Variants in FIRRM observed in about 807,000 individuals in gnomAD.
FIRRM encodes FIGNL1 interacting regulator of recombination and mitosis, also known as FIGNL1-interacting regulator of recombination and mitosis.
the FIRRM span, chr1:169,792,843 C>T: frequency 5.0e-6 from 8 of 1,613,702 alleles, no homozygotes; most frequent in African/African-American, 1.1e-4. Context: ...TCATATTTTA[C>T]AAAAAGTTTT....
the FIRRM span, among the ~76,000 whole-genome samples, chr1:169,797,546 G>GT: frequency 1.3e-3 from 191 of 151,484 alleles, no homozygotes; most frequent in African/African-American, 3.9e-3. Context: ...AGGACTATGG[G>GT]TTTTTTTTTG....
At chr1:169,827,760 C>T in the FIRRM span, 1 of 1,614,116 alleles carries the variant, frequency 6.2e-7, no homozygotes, top group Non-Finnish European at 8.5e-7. Flanking sequence ...TGGTTGTTGT[C>T]ATGGATAAGC....
the FIRRM span, among the ~76,000 whole-genome samples, chr1:169,796,972 A>C: frequency 1.5e-3 from 234 of 152,320 alleles, 3 homozygotes; most frequent in Admixed American, 4.2e-3. Flanking sequence ...CACTTGTATC[A>C]CATTGGCCTG....
chr1:169,800,715 CTTT>C, the FIRRM span, among the ~76,000 whole-genome samples: 2 of 136,924 alleles, frequency 1.5e-5, no homozygotes, highest in African/African-American at 2.7e-5. Flanking sequence ...TCCTTTCTCT[CTTT>C]TTTTTTTTTT....
the FIRRM span, among the ~76,000 whole-genome samples, chr1:169,799,538 G>A: frequency 1.3e-5 from 2 of 152,176 alleles, no homozygotes; most frequent in African/African-American, 4.8e-5. Flanking sequence ...TCTACGTTGT[G>A]TAATGGGACC....
the FIRRM span, chr1:169,827,775 A>G: frequency 6.2e-7 from 1 of 1,614,174 alleles, no homozygotes; most frequent in South Asian, 1.1e-5. Flanking sequence ...ATAAGCTGCC[A>G]TCTCAGCCTA....
the FIRRM span, chr1:169,842,410 C>T: frequency 6.2e-7 from 1 of 1,608,190 alleles, no homozygotes; most frequent in Non-Finnish European, 8.5e-7. Context: ...CTGTTTCTGT[C>T]CTTCAGAACA....
At chr1:169,823,582 T>C in the FIRRM span, 3 of 601,944 alleles carry the variant, frequency 5.0e-6, no homozygotes, top group African/African-American at 5.7e-5. Flanking sequence ...CTTAATGTTT[T>C]AGTAATTTTT....
At chr1:169,800,334 C>G in the FIRRM span, among the ~76,000 whole-genome samples, 14 of 152,260 alleles carry the variant, frequency 9.2e-5, no homozygotes, top group South Asian at 2.7e-3. Flanking sequence ...CGTGAGCCAC[C>G]ATGCGTGGCA....
the FIRRM span, chr1:169,847,753 T>C: frequency 2.5e-6 from 4 of 1,613,680 alleles, no homozygotes; most frequent in Admixed American, 3.3e-5. Context: ...TTTGGCAATG[T>C]TGGATTTTGT....
chr1:169,830,195 A>G, the FIRRM span: 297 of 1,331,422 alleles, frequency 2.2e-4, 1 homozygote, highest in Non-Finnish European at 3.0e-4. Context: ...TTTGAGAAAT[A>G]TAATATTATT....
chr1:169,830,046 T>C, the FIRRM span, among the ~76,000 whole-genome samples: 1 of 152,142 alleles, frequency 6.6e-6, no homozygotes, highest in Non-Finnish European at 1.5e-5. Flanking sequence ...GAACTCTCCA[T>C]AGCACAGCAC....
the FIRRM span, chr1:169,853,857 A>G: frequency 1.4e-6 from 2 of 1,475,924 alleles, no homozygotes; most frequent in Non-Finnish European, 1.9e-6. Flanking sequence ...GCAGGAATTT[A>G]AAATTTATCT....
the FIRRM span, among the ~76,000 whole-genome samples, chr1:169,831,514 C>T: frequency 2.6e-5 from 4 of 152,142 alleles, no homozygotes; most frequent in Admixed American, 6.5e-5. Context: ...GGCTGATGGT[C>T]TGGATTATCA....
chr1:169,828,822 A>G, the FIRRM span, among the ~76,000 whole-genome samples: 1 of 152,218 alleles, frequency 6.6e-6, no homozygotes, highest in African/African-American at 2.4e-5. Flanking sequence ...CTGGGATTAC[A>G]GGCGTGAGCC....
the FIRRM span, among the ~76,000 whole-genome samples, chr1:169,846,987 A>T: frequency 3.9e-5 from 6 of 152,266 alleles, no homozygotes; most frequent in African/African-American, 1.4e-4. Context: ...TTAAGAGGCC[A>T]TTTTAGGGTT....
At chr1:169,803,271 G>A in the FIRRM span, 1 of 1,613,870 alleles carries the variant, frequency 6.2e-7, no homozygotes, top group Non-Finnish European at 8.5e-7. Flanking sequence ...CCCCTCCTCA[G>A]TCCTTCATAT....
the FIRRM span, among the ~76,000 whole-genome samples, chr1:169,804,723 G>A: frequency 1.3e-3 from 201 of 152,064 alleles, no homozygotes; most frequent in African/African-American, 4.7e-3. Flanking sequence ...TCACTGTGTA[G>A]CCCAGGCTGG....
chr1:169,810,205 G>T, the FIRRM span, among the ~76,000 whole-genome samples: 5 of 152,108 alleles, frequency 3.3e-5, no homozygotes, highest in Admixed American at 3.3e-4. Context: ...TTGGGTGTTA[G>T]GTGTCTGGGA....
Sources: allele counts gnomAD v4.1 joint callset (sites outside exome capture counted in the v4.1 genomes callset), GRCh38; gene constraint gnomAD v4.1.1; transcripts MANE v1.5; gene names NCBI Gene and HGNC (gene_info 2026-07-23, HGNC 2026-07-21).